Variants in PDE4B observed in about 807,000 individuals in gnomAD.
PDE4B encodes the protein phosphodiesterase 4B, also known as 3',5'-cyclic-AMP phosphodiesterase 4B.
In PDE4B, 20 loss-of-function variants were observed where a neutral mutation model predicts 82.2. That is an observed-to-expected ratio of 0.24 (90% CI 0.17 to 0.35). The LOEUF (loss-of-function observed/expected upper bound fraction) is 0.35. Among genes scored for constraint, PDE4B ranks in the 10% least tolerant of loss-of-function variants. The pLI is 1.00. For synonymous variants in PDE4B, 320 were observed against 318.9 expected (o/e 1.00, Z -0.04); for missense variants, 655 against 907.2 (o/e 0.72, Z 3.57).
intron 3 of PDE4B, among the ~76,000 whole-genome samples, chr1:66,166,733 C>T (rs1291717514): frequency 1.6e-5 from 1 of 60,664 alleles, no homozygotes; most frequent in Non-Finnish European, 3.4e-5. Flanking sequence ...GACTCTGTCT[C>T]AAAAAAAAAA....
chr1:65,923,629 T>C (rs559845838), intron 3 of PDE4B, among the ~76,000 whole-genome samples: 1 of 152,368 alleles, frequency 6.6e-6, no homozygotes, highest in Admixed American at 6.5e-5. Flanking sequence ...TATTTCAGTT[T>C]GTCTGAAAAT....
At position 66,332,291 on chromosome 1, in the gene PDE4B, G is replaced by T. The variant is rs530219400; in HGVS notation, c.635-217G>T. ...CACCGACACCTCATCCAGGCGGGGG[G>T]TTGGGGGGAAACTTGGCACCAGCCA... On this transcript the variant is annotated intron_variant, in intron 7 of 16. Coordinates refer to ENST00000341517, the MANE Select transcript of PDE4B (RefSeq NM_002600.4). 65 of 1,524,864 alleles carry T rather than the reference G, an allele frequency of 4.3e-5. No homozygotes were observed. The African/African-American group carries it at 7.7e-4, about 18-fold the overall frequency. 94.5% of individuals were successfully genotyped at this position (1,524,864 alleles called of 1,614,324 possible).
intron 3 of PDE4B, among the ~76,000 whole-genome samples, chr1:65,986,337 G>A (rs1650951768): frequency 6.6e-6 from 1 of 152,162 alleles, no homozygotes; most frequent in Admixed American, 6.5e-5. Flanking sequence ...GTGGAGTACA[G>A]ATGGATGAAA....
intron 3 of PDE4B, among the ~76,000 whole-genome samples, chr1:66,063,663 G>A (rs981311707): frequency 7.2e-5 from 11 of 151,884 alleles, no homozygotes; most frequent in Admixed American, 7.2e-4. Flanking sequence ...GGGAACTGTT[G>A]TATCTTCTCT....
At chr1:66,167,911 G>T (rs536109412) in intron 3 of PDE4B, among the ~76,000 whole-genome samples, 6 of 152,254 alleles carry the variant, frequency 3.9e-5, no homozygotes, top group African/African-American at 1.4e-4. Flanking sequence ...TGTATTGCCA[G>T]ATTAGATTAA....
At chr1:66,060,136 C>T (rs1655508861) in intron 3 of PDE4B, among the ~76,000 whole-genome samples, 1 of 152,306 alleles carries the variant, frequency 6.6e-6, no homozygotes, top group South Asian at 2.1e-4. Flanking sequence ...GAAGGGACTT[C>T]AGGCAACAAT....
intron 4 of PDE4B, 72 bp downstream of exon 4, chr1:66,247,726 C>A (rs1653433465): frequency 1.4e-5 from 15 of 1,099,098 alleles, no homozygotes; most frequent in Non-Finnish European, 1.9e-5. Flanking sequence ...GTGGCAGCAA[C>A]AACAATTCCC....
At chr1:66,266,709 C>A (rs1278825324) in intron 7 of PDE4B, 1 of 527,070 alleles carries the variant, frequency 1.9e-6, no homozygotes, top group Admixed American at 2.0e-5. Context: ...TTGAGAGCTG[C>A]AGAGAGGAAG....
intron 3 of PDE4B, among the ~76,000 whole-genome samples, chr1:66,094,110 T>A (rs1388805189): frequency 6.6e-6 from 1 of 151,976 alleles, no homozygotes; most frequent in South Asian, 2.1e-4. Flanking sequence ...CATTAAAAAG[T>A]GATCAAGTAA....
At chr1:65,952,997 C>T (rs1649083076) in intron 3 of PDE4B, among the ~76,000 whole-genome samples, 1 of 152,086 alleles carries the variant, frequency 6.6e-6, no homozygotes, top group Non-Finnish European at 1.5e-5. Context: ...CAGGCCACCT[C>T]CACCGGGCAT....
chr1:66,172,010 T>C (rs532618267), intron 3 of PDE4B, among the ~76,000 whole-genome samples: 7 of 152,280 alleles, frequency 4.6e-5, no homozygotes, highest in Admixed American at 2.0e-4. Context: ...GTTACACTCG[T>C]ATATTGTGTG....
chr1:66,064,488 G>A (rs1655740418), intron 3 of PDE4B, among the ~76,000 whole-genome samples: 1 of 151,898 alleles, frequency 6.6e-6, no homozygotes, highest in Non-Finnish European at 1.5e-5. Context: ...GATAGAGAGG[G>A]ATACAGAATA....
chr1:65,897,978 C>G (rs1157303311), intron 1 of PDE4B, among the ~76,000 whole-genome samples: 1 of 151,976 alleles, frequency 6.6e-6, no homozygotes, highest in Non-Finnish European at 1.5e-5. Flanking sequence ...TCCCTTTTCT[C>G]TACAATCTTG....
chr1:65,815,613 A>G (rs2101216543), intron 1 of PDE4B, among the ~76,000 whole-genome samples: 1 of 152,286 alleles, frequency 6.6e-6, no homozygotes, highest in East Asian at 1.9e-4. Flanking sequence ...AAAAAAGTTT[A>G]TTTTTAAAAA....
intron 3 of PDE4B, among the ~76,000 whole-genome samples, chr1:66,098,538 G>C (rs938946190): frequency 6.6e-6 from 1 of 152,074 alleles, no homozygotes; most frequent in Non-Finnish European, 1.5e-5. Flanking sequence ...GCCTGCAAAG[G>C]TTACATATGC....
intron 3 of PDE4B, among the ~76,000 whole-genome samples, chr1:66,057,502 T>C (rs770296078): frequency 5.3e-5 from 8 of 152,178 alleles, no homozygotes; most frequent in Non-Finnish European, 1.0e-4. Context: ...TTCATTTTCA[T>C]GCTGCTGATA....
rs577427572 is a variant in PDE4B at position 66,208,537 on chromosome 1, C to G, written c.282-38923C>G. 7.9e-5 allele frequency among the ~76,000 whole-genome samples: 12 copies of G among 152,294 alleles called. 1 individual carries two copies. The South Asian group carries it at 8.3e-4, about 11-fold the overall frequency. On this transcript the variant is annotated intron_variant, in intron 3 of 16. Coordinates refer to ENST00000341517, the MANE Select transcript of PDE4B (RefSeq NM_002600.4). ...CAAGAGAAGCTATGCTAATCTTCCT[C>G]TTCAGAATATTCCCATTTCTTTCTT...
intron 3 of PDE4B, among the ~76,000 whole-genome samples, chr1:66,200,122 T>G (rs1286988850): frequency 3.3e-5 from 5 of 152,314 alleles, no homozygotes; most frequent in Non-Finnish European, 1.5e-5. Flanking sequence ...CCATTTCTTG[T>G]TTTTGTCAGG....
At position 66,175,059 on chromosome 1, in the gene PDE4B, C is replaced by A. The variant is rs1027362667; in HGVS notation, c.282-72401C>A. ...GCCCCTATGATCCAATCACCTCCCA[C>A]CTGGTCCCTCCCTCAACACATAAGA... is the stretch of plus-strand genomic sequence containing the variant. On this transcript the variant is annotated intron_variant, in intron 3 of 16. Transcript: ENST00000341517. Among the ~76,000 whole-genome samples the A allele has an allele frequency of 1.2e-4, 19 of 152,316 alleles. 1 individual carries two copies. The highest frequency in any genetic ancestry group is 8.5e-4 in the Admixed American group (13 of 15,302).
Sources: gnomAD v4.1 joint callset for allele counts (sites outside exome capture counted in the v4.1 genomes callset) on GRCh38, gnomAD v4.1.1 for gene constraint, MANE v1.5 for transcripts, NCBI Gene and HGNC (gene_info 2026-07-23, HGNC 2026-07-21) for gene names.